GGH: variants seen among roughly 807,000 people sequenced by gnomAD.
The protein encoded by GGH is gamma-glutamyl hydrolase.
In GGH, 18 loss-of-function variants were observed where a neutral mutation model predicts 39.2. The observed-to-expected ratio is 0.46, with a 90% confidence interval of 0.32 to 0.68. The LOEUF (loss-of-function observed/expected upper bound fraction) is 0.68, where lower values mean the gene tolerates loss of function less well. Among genes scored for constraint, GGH ranks in the 30% least tolerant of loss-of-function variants. GGH has a pLI of 0.04. For synonymous variants in GGH, 147 were observed against 138.8 expected, an observed-to-expected ratio of 1.06 and a Z score of -0.42; for missense variants, 367 against 384.1, an observed-to-expected ratio of 0.96 and a Z score of 0.37.
intron 8 of GGH, among the ~76,000 whole-genome samples, chr8:63,016,631 C>T (rs1432731239): frequency 1.3e-5 from 2 of 152,120 alleles, no homozygotes; most frequent in South Asian, 4.1e-4. Flanking sequence ...ATAACAAAAC[C>T]AATTTTTTTC....
chr8:63,025,377 CAATT>C (rs1186984009), intron 5 of GGH: 2 of 152,130 alleles, frequency 1.3e-5, no homozygotes, highest in Non-Finnish European at 2.9e-5. Flanking sequence ...AAGATTCAAT[CAATT>C]ATTTCATAAT....
chr8:63,026,035 C>T, intron 5 of GGH, 123 bp downstream of exon 5: 1 of 724,506 alleles, frequency 1.4e-6, no homozygotes. Context: ...ATGTCATAAG[C>T]ATTTTTTCCT....
At chr8:63,036,660 G>A (rs1804914619) in intron 1 of GGH, among the ~76,000 whole-genome samples, 1 of 152,180 alleles carries the variant, frequency 6.6e-6, no homozygotes, top group Non-Finnish European at 1.5e-5. Context: ...TTTGAGCCAG[G>A]ACTTCAGAGA....
In GGH at chr8:63,022,065, A is replaced by G. The variant is rs187643019; in HGVS notation, c.697+1842T>C. ...CACATATCCTTTGTCAGTTATATGC[A>G]TTACAAATACCTCCCTTTTTTCTTC... On this transcript the variant is annotated intron_variant, in intron 7 of 8. Coordinates refer to ENST00000260118, the MANE Select transcript of GGH (RefSeq NM_003878.3). Among the ~76,000 whole-genome samples the G allele has an allele frequency of 1.2e-4, 18 of 152,216 alleles. No individual in the cohort carries two copies. The East Asian group carries it at 3.5e-3, about 29-fold the overall frequency.
intron 1 of GGH, among the ~76,000 whole-genome samples, chr8:63,037,816 A>G (rs1487751704): frequency 1.3e-5 from 2 of 152,226 alleles, no homozygotes; most frequent in Non-Finnish European, 2.9e-5. Context: ...AATAAGTTCC[A>G]AATATTAGTA....
chr8:63,038,601 C>A, intron 1 of GGH, 59 bp downstream of exon 1: 1 of 714,076 alleles, frequency 1.4e-6, no homozygotes, highest in Non-Finnish European at 2.0e-6. Flanking sequence ...CGGCGGGAGG[C>A]GCCCAGCGCC....
intron 7 of GGH, among the ~76,000 whole-genome samples, chr8:63,018,303 T>A (rs1301684358): frequency 1.3e-5 from 2 of 152,150 alleles, no homozygotes; most frequent in African/African-American, 2.4e-5. Flanking sequence ...ATATGTGTAA[T>A]AGTTACCTTC....
Position 63,035,622 on chromosome 8 carries a change from A to G in GGH, c.224+34T>C. 3 of 1,564,472 alleles carry G rather than the reference A, an allele frequency of 1.9e-6. No homozygotes were observed. The African/African-American group carries it at 4.2e-5, about 22-fold the overall frequency. On this transcript the variant is annotated intron_variant, in intron 2 of 8. Transcript: ENST00000260118. The stretch of plus-strand genomic sequence containing the variant: ...ACCCGTACGCAGCAATTTTTTATAC[A>G]GAGTAAAAAAAAAAAAAAAACACTG...
At chr8:63,036,207 C>CT (rs1209978787) in intron 1 of GGH, among the ~76,000 whole-genome samples, 2 of 152,324 alleles carry the variant, frequency 1.3e-5, no homozygotes, top group East Asian at 3.9e-4. Flanking sequence ...CTATCAATAT[C>CT]TACCCTCTCC....
chr8:63,017,708 T>C, intron 7 of GGH, 78 bp from the exon 8 acceptor site: 1 of 823,526 alleles, frequency 1.2e-6, no homozygotes, highest in African/African-American at 1.8e-5. Context: ...TTATTTCTTA[T>C]GTAAAACATT....
chr8:63,016,092 A>C (rs1016042869), intron 8 of GGH, among the ~76,000 whole-genome samples: 9 of 152,238 alleles, frequency 5.9e-5, no homozygotes, highest in African/African-American at 2.2e-4. Context: ...GAAGTTTGGC[A>C]TGATGAAAGC....
chr8:63,033,617 T>C (rs1050785143), intron 2 of GGH, among the ~76,000 whole-genome samples: 1 of 146,676 alleles, frequency 6.8e-6, no homozygotes, highest in Non-Finnish European at 1.5e-5. Context: ...TTACTTCATT[T>C]ATTTTTTATA....
chr8:63,035,595 G>A (rs1421030261), intron 2 of GGH, 61 bp downstream of exon 2: 25 of 1,551,354 alleles, frequency 1.6e-5, no homozygotes, highest in Middle Eastern at 1.7e-4. Context: ...ATGAGGCACC[G>A]CACCCGTACG....
intron 7 of GGH, among the ~76,000 whole-genome samples, chr8:63,019,912 T>C (rs1028704343): frequency 2.6e-5 from 4 of 152,236 alleles, no homozygotes; most frequent in African/African-American, 9.6e-5. Context: ...CTGTTAATAA[T>C]GTAAAAGACC....
At position 63,026,259 on chromosome 8, in the gene GGH, G is replaced by A. The variant is rs1417608098; in HGVS notation, c.398C>T (p.Thr133Ile). ...TGAAAGCTCTTCAAATCCAAGGCAT[G>A]TGCCCCACACAGGAAAATAGTCTCC... ...DDGDYFPVWG[T>I]CLGFEELSLL... Residue 133 changes from threonine (T) to isoleucine (I), a missense_variant, in exon 5 of 9, where the codon ACA becomes ATA. Transcript: ENST00000260118. 1.2e-6 allele frequency: 2 copies of A among 1,609,442 alleles called. No homozygotes were observed. Among genetic ancestry groups the A allele is most frequent in the East Asian group, 2.2e-5 (1 of 44,784 alleles).
At chr8:63,027,775 C>G (rs563831281) in intron 3 of GGH, among the ~76,000 whole-genome samples, 1 of 151,992 alleles carries the variant, frequency 6.6e-6, no homozygotes, top group African/African-American at 2.4e-5. Flanking sequence ...CACCCCGAGT[C>G]TCTTCAGAAA....
intron 5 of GGH, chr8:63,025,394 C>T (rs1417193323): frequency 2.0e-5 from 3 of 152,148 alleles, no homozygotes; most frequent in Non-Finnish European, 4.4e-5. Context: ...TTCATAATAA[C>T]GTTCCAGTAA....
chr8:63,015,405 G>T lies in GGH; in HGVS notation c.884C>A (p.Ala295Glu). The T allele has an allele frequency of 6.8e-7, 1 of 1,470,544 alleles. No individual in the cohort carries two copies. Among genetic ancestry groups the T allele is most frequent in the Non-Finnish European group, 9.4e-7 (1 of 1,060,970 alleles). 91.1% of individuals were successfully genotyped at this position (1,470,544 alleles called of 1,614,324 possible). Reference sequence around the variant, plus strand: ...AATTGGACTGAACTGATAAATCAATGCTTTCTCCTCTTCAGATTCAGATTT... The same window carrying T: ...AATTGGACTGAACTGATAAATCAATTCTTTCTCCTCTTCAGATTCAGATTT... The part of the protein sequence containing the change: ...HFKSESEEEK[A>E]LIYQFSPIYT... The change falls in exon 9 of 9, where the codon GCA (alanine) becomes GAA (glutamate). Residue 295 changes from alanine (A) to glutamate (E), a missense_variant. By Grantham distance (107) the Ala-to-Glu change is moderately radical. Coordinates refer to ENST00000260118, the MANE Select transcript of GGH (RefSeq NM_003878.3).
At chr8:63,026,877 TA>T (rs370424614) in intron 4 of GGH, 2,608 of 259,768 alleles carry the variant, frequency 0.01, no homozygotes, top group Middle Eastern at 0.017. Context: ...ACAATGCCCA[TA>T]AAAAAAAAAT....
Sources: gnomAD v4.1 joint callset for allele counts (sites outside exome capture counted in the v4.1 genomes callset) on GRCh38, gnomAD v4.1.1 for gene constraint, MANE v1.5 for transcripts, NCBI Gene and HGNC (gene_info 2026-07-23, HGNC 2026-07-21) for gene names.